The following NRXN3 variants were observed in gnomAD, a reference collection of about 807,000 sequenced individuals.
The protein encoded by NRXN3 is neurexin 3, also known as neurexin III.
In NRXN3, 32 loss-of-function variants were observed where a neutral mutation model predicts 137.6. That is an observed-to-expected ratio of 0.23 (90% CI 0.18 to 0.31). NRXN3 has a LOEUF of 0.31. Among genes scored for constraint, NRXN3 ranks in the 10% least tolerant of loss-of-function variants. The probability of loss-of-function intolerance (pLI) is 1.00; values close to 1 mark genes in which losing one functional copy is unlikely to be tolerated. For missense variants in NRXN3, 1,574 were observed against 2,062.5 expected (o/e 0.76, Z 4.59); for synonymous variants, 798 against 784.5 (o/e 1.02, Z -0.29).
At chr14:79,018,346 AT>A (rs1341515216) in intron 15 of NRXN3, among the ~76,000 whole-genome samples, 1 of 147,906 alleles carries the variant, frequency 6.8e-6, no homozygotes, top group Non-Finnish European at 1.5e-5. Flanking sequence ...ATAAAAAAAA[AT>A]CCAAGAAACT....
In NRXN3 at chr14:78,582,932, G is replaced by GA. The variant is rs531211640; in HGVS notation, c.758-62184dup. 1.0e-3 allele frequency among the ~76,000 whole-genome samples: 159 copies of GA among 152,254 alleles called. 1 individual carries two copies. The highest frequency in any genetic ancestry group is 3.2e-3 in the African/African-American group (131 of 41,554). On this transcript the variant is annotated intron_variant, in intron 4 of 20. Coordinates refer to ENST00000335750, the MANE Select transcript of NRXN3 (RefSeq NM_001330195.2). ...ATCTCTCATATGATACTTCTTACTA[G>GA]AAAATTCCCAGGCGTACACAGGTGT...
At chr14:79,154,908 G>A (rs1388383699) in intron 15 of NRXN3, among the ~76,000 whole-genome samples, 1 of 151,892 alleles carries the variant, frequency 6.6e-6, no homozygotes, top group Non-Finnish European at 1.5e-5. Context: ...CTGATCAACT[G>A]ACCAGCTTAA....
At chr14:79,857,979 T>C (rs1238995404) in intron 20 of NRXN3, among the ~76,000 whole-genome samples, 2 of 152,204 alleles carry the variant, frequency 1.3e-5, no homozygotes, top group African/African-American at 4.8e-5. Context: ...TCAGTAGTTC[T>C]GAAAGATTTT....
chr14:79,758,219 C>T (rs1043790189), intron 19 of NRXN3, among the ~76,000 whole-genome samples: 7 of 152,008 alleles, frequency 4.6e-5, no homozygotes, highest in South Asian at 4.2e-4. Context: ...CTTTGTTTTG[C>T]GTTGCTATAA....
At chr14:78,978,837 C>G (rs1463684294) in intron 14 of NRXN3, among the ~76,000 whole-genome samples, 2 of 150,318 alleles carry the variant, frequency 1.3e-5, no homozygotes, top group Non-Finnish European at 3.0e-5. Context: ...TTATGGAGGC[C>G]AAGAAACTCC....
chr14:79,751,037 T>C (rs925152833), intron 19 of NRXN3, among the ~76,000 whole-genome samples: 1 of 152,140 alleles, frequency 6.6e-6, no homozygotes, highest in Non-Finnish European at 1.5e-5. Flanking sequence ...TGGCTTAGGA[T>C]TGACTTGGCG....
Position 79,007,310 on chromosome 14 carries a change from C to T in NRXN3, c.3262+19169C>T, listed in dbSNP as rs78505876. Among the ~76,000 whole-genome samples, 1,079 of 152,150 alleles carry T rather than the reference C, an allele frequency of 7.1e-3. 7 individuals carry two copies. The highest frequency in any genetic ancestry group is 0.024 in the African/African-American group (1,012 of 41,524). On this transcript the variant is annotated intron_variant, in intron 15 of 20. Coordinates refer to ENST00000335750, the MANE Select transcript of NRXN3 (RefSeq NM_001330195.2). ...CACATTAAAACACGTAGCTCCACTT[C>T]GCTGCATTGTTGATTGCAGTTGATG...
chr14:79,208,451 A>G (rs1219136235), intron 15 of NRXN3, among the ~76,000 whole-genome samples: 1 of 152,232 alleles, frequency 6.6e-6, no homozygotes, highest in Non-Finnish European at 1.5e-5. Context: ...CACTAAGAAC[A>G]TTAAAATATT....
chr14:78,463,889 T>C (rs957143730), intron 4 of NRXN3, among the ~76,000 whole-genome samples: 1 of 151,674 alleles, frequency 6.6e-6, no homozygotes, highest in Non-Finnish European at 1.5e-5. Context: ...ATATATATTA[T>C]TATGCAAAAC....
chr14:79,226,814 C>CTTTTTTTT (rs3035642), intron 15 of NRXN3, among the ~76,000 whole-genome samples: 6 of 98,452 alleles, frequency 6.1e-5, no homozygotes, highest in African/African-American at 1.2e-4. Flanking sequence ...TCCTTTTTTT[C>CTTTTTTTT]TTTTTTTTTT....
intron 4 of NRXN3, among the ~76,000 whole-genome samples, chr14:78,315,500 C>T (rs759456995): frequency 2.6e-4 from 39 of 152,182 alleles, no homozygotes; most frequent in Non-Finnish European, 4.3e-4. Flanking sequence ...TAAAATGAAC[C>T]GAAAGGAAGT....
rs529688833 is a variant in NRXN3 at position 79,419,276 on chromosome 14, G to A, written c.3263-47945G>A. Among the ~76,000 whole-genome samples, 6 of 152,138 alleles carry A rather than the reference G, an allele frequency of 3.9e-5. No homozygotes were observed. In the East Asian group the frequency reaches 1.2e-3, roughly 29 times the overall value. On this transcript the variant is annotated intron_variant, in intron 15 of 20. Coordinates refer to ENST00000335750, the MANE Select transcript of NRXN3 (RefSeq NM_001330195.2). Reference sequence around the variant, plus strand: ...AGAGAGCTGGTGCAATAGCTCAAATGGTAAATGACAGACATAAGATTCAAA... The same window carrying A: ...AGAGAGCTGGTGCAATAGCTCAAATAGTAAATGACAGACATAAGATTCAAA...
chr14:78,781,174 C>T (rs942086117), intron 8 of NRXN3, among the ~76,000 whole-genome samples: 3 of 152,104 alleles, frequency 2.0e-5, no homozygotes, highest in African/African-American at 7.2e-5. Flanking sequence ...AATATGCAAA[C>T]TGATACTATT....
At chr14:79,342,111 G>T (rs1415111963) in intron 15 of NRXN3, among the ~76,000 whole-genome samples, 1 of 152,180 alleles carries the variant, frequency 6.6e-6, no homozygotes, top group African/African-American at 2.4e-5. Flanking sequence ...GCTGGGAGTG[G>T]AGGTATTGGT....
At chr14:78,248,321 G>A (rs77819688) in intron 2 of NRXN3, among the ~76,000 whole-genome samples, 20,513 of 49,498 alleles carry the variant, frequency 0.41, 3,108 homozygotes, top group Middle Eastern at 0.57. Context: ...CCCCCCACCC[G>A]CCACCTCCTG....
chr14:79,058,492 A>G (rs567180226), intron 15 of NRXN3, among the ~76,000 whole-genome samples: 5 of 152,146 alleles, frequency 3.3e-5, no homozygotes, highest in East Asian at 1.9e-4. Flanking sequence ...TGAGATATAT[A>G]TATATATTTT....
At chr14:79,128,410 C>A (rs1278052982) in intron 15 of NRXN3, among the ~76,000 whole-genome samples, 3 of 148,904 alleles carry the variant, frequency 2.0e-5, no homozygotes, top group Non-Finnish European at 4.5e-5. Context: ...TTGTCAAAGG[C>A]CTTTTCTGCA....
chr14:79,719,666 G>A (rs908192732), intron 19 of NRXN3, among the ~76,000 whole-genome samples: 5 of 151,848 alleles, frequency 3.3e-5, no homozygotes, highest in Non-Finnish European at 7.4e-5. Flanking sequence ...AGAGAAAATC[G>A]TGCATAAAAG....
chr14:79,393,640 C>CCA (rs2094925933), intron 15 of NRXN3, among the ~76,000 whole-genome samples: 1 of 152,122 alleles, frequency 6.6e-6, no homozygotes, highest in Non-Finnish European at 1.5e-5. Flanking sequence ...CGGTGAAACC[C>CCA]TGGCTCTACT....
Sources: allele counts gnomAD v4.1 joint callset (sites outside exome capture counted in the v4.1 genomes callset), GRCh38; gene constraint gnomAD v4.1.1; transcripts MANE v1.5; gene names NCBI Gene and HGNC (gene_info 2026-07-23, HGNC 2026-07-21).